Variants in TRMT11 observed in about 807,000 individuals in gnomAD.
The protein encoded by TRMT11 is tRNA (guanine(10)-N(2))-methyltransferase TRMT11.
In TRMT11, 53 loss-of-function variants were observed where a neutral mutation model predicts 62.8. The ratio of observed to expected loss-of-function variants is 0.84; its 90% CI spans 0.68 to 1.06. TRMT11 has a LOEUF of 1.06. TRMT11 is among the 50% of genes least tolerant of loss of function. The pLI, the probability that TRMT11 is intolerant of heterozygous loss-of-function variation, is 0.00. For missense variants in TRMT11, 556 were observed against 553.4 expected (o/e 1.00, Z -0.05); for synonymous variants, 188 against 190.3 (o/e 0.99, Z 0.10).
downstream of TRMT11, chr6:126,039,422 C>T (rs893776095): frequency 3.3e-5 from 5 of 152,086 alleles, no homozygotes; most frequent in Non-Finnish European, 7.4e-5. Context: ...TTCCAAACTC[C>T]TTAAGGCCTG....
chr6:126,096,993 G>A (rs551409033), intron 17 of TRMT11, among the ~76,000 whole-genome samples: 1 of 152,244 alleles, frequency 6.6e-6, no homozygotes, highest in East Asian at 1.9e-4. Flanking sequence ...ACAGTCAATG[G>A]CTGGAATCAT....
intron 21 of TRMT11, among the ~76,000 whole-genome samples, chr6:126,128,365 T>A (rs957535667): frequency 3.3e-5 from 5 of 152,116 alleles, no homozygotes; most frequent in Non-Finnish European, 7.4e-5. Context: ...CACTTAGAGA[T>A]AAGAATATGC....
intron 17 of TRMT11, among the ~76,000 whole-genome samples, chr6:126,086,755 CTAAG>C (rs1305199906): frequency 3.5e-4 from 54 of 152,136 alleles, no homozygotes. Flanking sequence ...CCTCTATTCT[CTAAG>C]TTTCATTACA....
At chr6:126,118,326 T>A (rs1017522589) in intron 21 of TRMT11, among the ~76,000 whole-genome samples, 4 of 152,108 alleles carry the variant, frequency 2.6e-5, no homozygotes, top group African/African-American at 9.7e-5. Context: ...TCAGGGGATG[T>A]TGCCTTATCT....
chr6:126,057,492 G>A (rs1443448655), intron 17 of TRMT11, among the ~76,000 whole-genome samples: 3 of 152,302 alleles, frequency 2.0e-5, no homozygotes, highest in South Asian at 2.1e-4. Flanking sequence ...GAATGGATTA[G>A]TGGCTTTATG....
chr6:126,215,632 T>TA, the TRMT11 span, among the ~76,000 whole-genome samples: 1 of 152,068 alleles, frequency 6.6e-6, no homozygotes, highest in Non-Finnish European at 1.5e-5. Flanking sequence ...CCTGGTTTTT[T>TA]ATCCATTCAG....
At chr6:126,152,023 CTCTT>C (rs1412665112) in intron 21 of TRMT11, among the ~76,000 whole-genome samples, 1 of 123,060 alleles carries the variant, frequency 8.1e-6, no homozygotes, top group Admixed American at 9.0e-5. Context: ...TCCTTTTTCT[CTCTT>C]TCTCTGTTTC....
chr6:126,095,924 T>C (rs573713506), intron 17 of TRMT11, among the ~76,000 whole-genome samples: 60 of 152,066 alleles, frequency 3.9e-4, no homozygotes, highest in Non-Finnish European at 6.6e-4. Context: ...ATGCCAGGTT[T>C]TGTGTGATTG....
At chr6:126,216,781 A>G in the TRMT11 span, among the ~76,000 whole-genome samples, 2 of 152,090 alleles carry the variant, frequency 1.3e-5, no homozygotes, top group African/African-American at 4.8e-5. Flanking sequence ...ATTGATATCT[A>G]TCTCTAGGTT....
chr6:126,178,973 T>C (rs561892305), intron 1 of TRMT11, among the ~76,000 whole-genome samples: 24 of 152,270 alleles, frequency 1.6e-4, no homozygotes, highest in African/African-American at 5.3e-4. Context: ...TCAGGGTATA[T>C]AGGAGGGGTA....
At chr6:126,265,350 CTAA>C in the TRMT11 span, among the ~76,000 whole-genome samples, 1 of 152,076 alleles carries the variant, frequency 6.6e-6, no homozygotes, top group African/African-American at 2.4e-5. Flanking sequence ...TGCTGAAATT[CTAA>C]TAACTGATGA....
intron 1 of TRMT11, among the ~76,000 whole-genome samples, chr6:126,189,246 C>G (rs983200641): frequency 3.9e-5 from 6 of 152,034 alleles, no homozygotes; most frequent in Admixed American, 2.0e-4. Flanking sequence ...TATAATGATG[C>G]CAGACTTAAT....
intron 1 of TRMT11, among the ~76,000 whole-genome samples, chr6:126,193,464 A>T: frequency 1.5e-5 from 2 of 129,846 alleles, no homozygotes; most frequent in African/African-American, 6.0e-5. Flanking sequence ...GTGCATTGTT[A>T]GGTTATTTAA....
At chr6:126,256,911 A>G in the TRMT11 span, among the ~76,000 whole-genome samples, 1 of 151,586 alleles carries the variant, frequency 6.6e-6, no homozygotes, top group African/African-American at 2.4e-5. Flanking sequence ...TTCGAGATGG[A>G]GTCTTGCTCT....
intron 17 of TRMT11, among the ~76,000 whole-genome samples, chr6:126,112,341 A>G (rs559244483): frequency 7.9e-5 from 12 of 152,264 alleles, no homozygotes; most frequent in Admixed American, 2.0e-4. Flanking sequence ...AGATCTGAGA[A>G]ATAATTCCTG....
the TRMT11 span, among the ~76,000 whole-genome samples, chr6:126,250,848 G>A: frequency 6.6e-6 from 1 of 151,980 alleles, no homozygotes; most frequent in African/African-American, 2.4e-5. Context: ...AGCTTTGGTC[G>A]TTAGCCGTTA....
At chr6:126,172,292 C>G, upstream of TRMT11, among the ~76,000 whole-genome samples, 1 of 151,978 alleles carries the variant, frequency 6.6e-6, no homozygotes, top group Non-Finnish European at 1.5e-5. Context: ...AAGGGAGGTA[C>G]TTAGAATAAG....
At chr6:126,115,454 G>C (rs1334199543) in exon 20 of TRMT11, among the ~76,000 whole-genome samples, 1 of 152,050 alleles carries the variant, frequency 6.6e-6, no homozygotes, top group Non-Finnish European at 1.5e-5. Flanking sequence ...GAATGCTATT[G>C]CTTAGAGGAA....
the TRMT11 span, among the ~76,000 whole-genome samples, chr6:126,215,055 A>T: frequency 6.6e-6 from 1 of 151,756 alleles, no homozygotes; most frequent in South Asian, 2.1e-4. Context: ...GAGATGCTTG[A>T]TATAATTTCA....
Sources: allele counts gnomAD v4.1 joint callset (sites outside exome capture counted in the v4.1 genomes callset), GRCh38; gene constraint gnomAD v4.1.1; transcripts MANE v1.5; gene names NCBI Gene and HGNC (gene_info 2026-07-23, HGNC 2026-07-21).